NPHP1: variants seen among roughly 807,000 people sequenced by gnomAD.
NPHP1 encodes the protein nephrocystin 1.
In NPHP1, 70 loss-of-function variants were observed where a neutral mutation model predicts 90.4. The ratio of observed to expected loss-of-function variants is 0.77; its 90% CI spans 0.64 to 0.95. The LOEUF (loss-of-function observed/expected upper bound fraction) is 0.95. NPHP1 is among the 40% of genes least tolerant of loss of function. The pLI is 0.00. For missense variants in NPHP1, 764 were observed against 795.9 expected (o/e 0.96, Z 0.48); for synonymous variants, 256 against 271.7 (o/e 0.94, Z 0.57).
At chr2:110,179,503 G>C (rs374634836) in intron 3 of NPHP1, 121 bp downstream of exon 3, 2 of 605,070 alleles carry the variant, frequency 3.3e-6, no homozygotes, top group African/African-American at 1.8e-5. Context: ...AGCACTGGCT[G>C]CAGTTAGACT....
intron 8 of NPHP1, chr2:110,163,853 G>T (rs943262151): frequency 6.5e-6 from 1 of 154,102 alleles, no homozygotes; most frequent in East Asian, 1.9e-4. Flanking sequence ...TCGAGGTGAG[G>T]TTTCGCTGTG....
At chr2:110,165,010 T>C in intron 7 of NPHP1, 42 bp downstream of exon 7, 1 of 1,438,034 alleles carries the variant, frequency 7.0e-7, no homozygotes, top group Non-Finnish European at 9.8e-7. Flanking sequence ...ACAAATAAAA[T>C]GTTTCCTAAA....
intron 17 of NPHP1, among the ~76,000 whole-genome samples, chr2:110,131,324 T>C (rs898074775): frequency 2.0e-5 from 3 of 152,208 alleles, no homozygotes; most frequent in African/African-American, 7.2e-5. Flanking sequence ...CTATTTTGGT[T>C]GATTTTGGTT....
chr2:110,189,253 C>A (rs554759994), intron 2 of NPHP1, among the ~76,000 whole-genome samples: 1 of 152,190 alleles, frequency 6.6e-6, no homozygotes, highest in Admixed American at 6.5e-5. Context: ...AGCCGTGGAC[C>A]CTCGCAGTGA....
At chr2:110,162,600 A>C (rs1027193296) in intron 9 of NPHP1, among the ~76,000 whole-genome samples, 6 of 152,164 alleles carry the variant, frequency 3.9e-5, no homozygotes, top group Non-Finnish European at 8.8e-5. Flanking sequence ...AGGAAAATGA[A>C]AATTCCAAAT....
intron 14 of NPHP1, 149 bp from the exon 15 acceptor site, chr2:110,144,718 C>G (rs939834221): frequency 3.4e-5 from 22 of 651,828 alleles, no homozygotes; most frequent in Admixed American, 1.2e-4. Context: ...GTTGATCCCT[C>G]CATGAGGTAC....
At chr2:110,203,292 G>C (rs976269612) in intron 1 of NPHP1, among the ~76,000 whole-genome samples, 1 of 152,180 alleles carries the variant, frequency 6.6e-6, no homozygotes, top group African/African-American at 2.4e-5. Flanking sequence ...AAGACTGAAA[G>C]ACTGCCTATT....
intron 16 of NPHP1, among the ~76,000 whole-genome samples, chr2:110,140,424 T>G (rs553864376): frequency 6.6e-6 from 1 of 152,260 alleles, no homozygotes; most frequent in East Asian, 1.9e-4. Flanking sequence ...ACAGGACCTT[T>G]AAGAACCCAG....
chr2:110,173,159 A>G (rs904979944), intron 4 of NPHP1, among the ~76,000 whole-genome samples: 1 of 151,908 alleles, frequency 6.6e-6, no homozygotes, highest in Admixed American at 6.6e-5. Flanking sequence ...GGGTTTCACC[A>G]TGTTGGCCAG....
At chr2:110,157,448 A>G (rs780187449) in intron 11 of NPHP1, among the ~76,000 whole-genome samples, 14 of 152,030 alleles carry the variant, frequency 9.2e-5, no homozygotes, top group African/African-American at 3.4e-4. Context: ...TCATTTCTTT[A>G]CCCCAAGTTC....
At chr2:110,184,651 A>T in intron 2 of NPHP1, 1 of 786,530 alleles carries the variant, frequency 1.3e-6, no homozygotes, top group Non-Finnish European at 2.2e-6. Flanking sequence ...CTCTACCTGC[A>T]TAAGGAGGGC....
chr2:110,129,116 A>C, intron 18 of NPHP1, 70 bp downstream of exon 18: 1 of 1,168,284 alleles, frequency 8.6e-7, no homozygotes, highest in Non-Finnish European at 1.3e-6. Context: ...CCTAGACAGA[A>C]CTCATTAACA....
At chr2:110,197,576 G>C (rs1245795666) in intron 2 of NPHP1, among the ~76,000 whole-genome samples, 1 of 152,038 alleles carries the variant, frequency 6.6e-6, no homozygotes, top group Non-Finnish European at 1.5e-5. Context: ...TCCCTTACCA[G>C]GCATGAAAAG....
At chr2:110,184,481 A>G in intron 2 of NPHP1, 3 of 848,916 alleles carry the variant, frequency 3.5e-6, no homozygotes, top group Non-Finnish European at 5.7e-6. Context: ...TCTCCATGTA[A>G]GCTGTGCTCA....
Position 110,204,984 on chromosome 2 carries a change from G to A in NPHP1, c.-16C>T. The A allele has an allele frequency of 6.2e-7, 1 of 1,613,554 alleles. No homozygotes were observed. The highest frequency in any genetic ancestry group is 1.1e-5 in the South Asian group (1 of 91,054). On this transcript the variant is annotated 5_prime_UTR_variant, in exon 1 of 20. Coordinates refer to ENST00000445609, the MANE Select transcript of NPHP1 (RefSeq NM_001128178.3). ...TCGCCAGCATCTCCCTGGCTGCGGT[G>A]CTCTGATTGCTCCAGTTGCCAGGGA...
At chr2:110,164,851 T>A in intron 7 of NPHP1, 121 bp from the exon 8 acceptor site, 1 of 1,014,308 alleles carries the variant, frequency 9.9e-7, no homozygotes, top group Non-Finnish European at 1.6e-6. Context: ...AGTTTCCAGA[T>A]GAAAACGAGG....
In NPHP1 at chr2:110,194,635, G is replaced by C. The variant is rs950872022; in HGVS notation, c.143+6786C>G. On this transcript the variant is annotated intron_variant, in intron 2 of 19. Transcript: ENST00000445609. ...CTATTCCAATCAATAGAAAAAGAGG[G>C]AATCCTCCCTAACTCATTTTATGAT... Among the ~76,000 whole-genome samples the C allele has an allele frequency of 4.6e-5, 7 of 152,154 alleles. No individual in the cohort carries two copies. The South Asian group carries it at 8.3e-4, about 18-fold the overall frequency.
intron 11 of NPHP1, among the ~76,000 whole-genome samples, chr2:110,154,257 T>C (rs796731925): frequency 5.9e-5 from 9 of 152,286 alleles, no homozygotes; most frequent in African/African-American, 2.2e-4. Context: ...ATTCACCTTC[T>C]GCCATGATTG....
chr2:110,172,764 C>T (rs1036204913), intron 4 of NPHP1, among the ~76,000 whole-genome samples: 8 of 151,978 alleles, frequency 5.3e-5, no homozygotes, highest in African/African-American at 1.7e-4. Context: ...GTCTGGGTAA[C>T]GGAGACCCTG....
Sources: allele counts gnomAD v4.1 joint callset (sites outside exome capture counted in the v4.1 genomes callset), GRCh38; gene constraint gnomAD v4.1.1; transcripts MANE v1.5; gene names NCBI Gene and HGNC (gene_info 2026-07-23, HGNC 2026-07-21).